The following DIPK2B variants were observed in gnomAD, a reference collection of about 807,000 sequenced individuals.
DIPK2B encodes UPF0672 protein CXorf36.
Under a neutral mutation model 22.2 loss-of-function variants are expected in DIPK2B, and 15 were observed. The observed-to-expected ratio is 0.68, with a 90% CI of 0.45 to 1.04. DIPK2B has a LOEUF of 1.04. DIPK2B is among the 50% of genes least tolerant of loss of function. The pLI, the probability that DIPK2B is intolerant of heterozygous loss-of-function variation, is 0.00. For synonymous variants in DIPK2B, 163 were observed against 153.2 expected, an observed-to-expected ratio of 1.06 and a Z score of -0.47; for missense variants, 345 against 348.3, an observed-to-expected ratio of 0.99 and a Z score of 0.08.
chrX:45,174,625 A>G (rs1237158883), intron 2 of DIPK2B, among the ~76,000 whole-genome samples: 2 of 109,856 alleles, frequency 1.8e-5, no homozygotes, highest in African/African-American at 6.6e-5. Flanking sequence ...TAACTGAAGG[A>G]TCAGAATTGA....
At position 45,182,666 on chromosome X, in the gene DIPK2B, TCACAGAGCGGTGTTGTTTCA is replaced by T. The variant is rs752905963; in HGVS notation, c.498+9065_498+9084del. 4.1e-3 allele frequency among the ~76,000 whole-genome samples: 469 copies of T among 113,294 alleles called. 8 individuals are homozygous for T. The highest frequency in any genetic ancestry group is 0.012 in the African/African-American group (376 of 31,253). Reference sequence around the variant, plus strand: ...GCAGAATGCATACAGTGTGAAACCATCACAGAGCGGTGTTGTTTCACACACTGCAGTGAAAAAGAACACCA... The same window carrying T: ...GCAGAATGCATACAGTGTGAAACCATCACACTGCAGTGAAAAAGAACACCA... On this transcript the variant is annotated intron_variant, in intron 2 of 4. Transcript: ENST00000398000.
chrX:45,158,395 T>A (rs1027860117), intron 2 of DIPK2B, among the ~76,000 whole-genome samples: 3 of 111,141 alleles, frequency 2.7e-5, no homozygotes, highest in African/African-American at 9.8e-5. Context: ...CACCCTGCCC[T>A]TGGAAAGAAG....
chrX:45,194,728 A>C (rs1358825974), intron 1 of DIPK2B, among the ~76,000 whole-genome samples: 1 of 112,129 alleles, frequency 8.9e-6, no homozygotes, highest in Non-Finnish European at 1.9e-5. Flanking sequence ...AAAATTGAAA[A>C]GAGAATTGAA....
rs755519678 is a variant in DIPK2B at position 45,160,168 on chromosome X, A to C, written c.499-2280T>G. 5.5e-5 allele frequency among the ~76,000 whole-genome samples: 6 copies of C among 109,082 alleles called. No individual in the cohort carries two copies. In the South Asian group the frequency reaches 1.2e-3, roughly 22 times the overall value. The allele number at this position is 109,082 out of a possible 115,157, so 94.7% of individuals were successfully genotyped here. A position where few individuals can be genotyped will look rare whatever the true frequency, so the allele number is the denominator to read the frequency against. On this transcript the variant is annotated intron_variant, in intron 2 of 4. Transcript: ENST00000398000. ...CAACCTGAAGAACTGTGAGCCAATT[A>C]AACCTCTTTTCTTCATAAATTACCC...
intron 2 of DIPK2B, among the ~76,000 whole-genome samples, chrX:45,175,301 A>G (rs1032843600): frequency 5.4e-5 from 6 of 111,509 alleles, no homozygotes; most frequent in African/African-American, 2.0e-4. Context: ...AAAAATGTAA[A>G]CAGTCAACAA....
chrX:45,161,839 T>A (rs1850633428), intron 2 of DIPK2B, among the ~76,000 whole-genome samples: 1 of 111,929 alleles, frequency 8.9e-6, no homozygotes, highest in Admixed American at 9.4e-5. Flanking sequence ...TATTGTTTGC[T>A]GAGGTGATTT....
chrX:45,179,283 C>A (rs1172324470), intron 2 of DIPK2B, among the ~76,000 whole-genome samples: 1 of 110,828 alleles, frequency 9.0e-6, no homozygotes, highest in Non-Finnish European at 1.9e-5. Context: ...GCTACTAGAA[C>A]AAAACTCAAC....
At chrX:45,182,957 G>T (rs1285627352) in intron 2 of DIPK2B, among the ~76,000 whole-genome samples, 8 of 111,655 alleles carry the variant, frequency 7.2e-5, no homozygotes, top group Non-Finnish European at 1.3e-4. Context: ...CTAGAATGTG[G>T]TCTTTTTTGG....
chrX:45,185,739 G>A (rs1184804596), intron 2 of DIPK2B, among the ~76,000 whole-genome samples: 4 of 102,163 alleles, frequency 3.9e-5, no homozygotes, highest in Admixed American at 1.1e-4. Flanking sequence ...TGCAACCTCC[G>A]CCTCCTGGGT....
intron 2 of DIPK2B, among the ~76,000 whole-genome samples, chrX:45,175,131 T>TA (rs1227927055): frequency 1.8e-5 from 2 of 111,728 alleles, no homozygotes; most frequent in African/African-American, 6.5e-5. Flanking sequence ...GTTTGAAGAT[T>TA]AACTGTGACA....
In DIPK2B at chrX:45,187,476, A is replaced by G. The variant is rs868305281; in HGVS notation, c.498+4275T>C. 5.4e-3 allele frequency among the ~76,000 whole-genome samples: 549 copies of G among 102,025 alleles called. 8 individuals carry two copies. Among genetic ancestry groups the G allele is most frequent in the South Asian group, 0.029 (70 of 2,430 alleles). 88.6% of individuals were successfully genotyped at this position (102,025 alleles called of 115,157 possible). On this transcript the variant is annotated intron_variant, in intron 2 of 4. Coordinates refer to ENST00000398000, the MANE Select transcript of DIPK2B (RefSeq NM_176819.4). ...CTCGAGGGCGCGCGCGCGCACACAC[A>G]CACACACACACACACACACACACAC...
intron 2 of DIPK2B, chrX:45,162,724 G>T: frequency 2.8e-5 from 21 of 754,349 alleles, no homozygotes; most frequent in Non-Finnish European, 3.3e-5. Flanking sequence ...AAAATAAAAA[G>T]ATAACCAAAC....
At position 45,174,200 on chromosome X, in the gene DIPK2B, C is replaced by T. The variant is rs143459979; in HGVS notation, c.499-16312G>A. Among the ~76,000 whole-genome samples, 29 of 111,692 alleles carry T rather than the reference C, an allele frequency of 2.6e-4. No individual in the cohort carries two copies. The South Asian group carries it at 4.6e-3, about 18-fold the overall frequency. ...CACAAAAAGAATTTGGGGACTCTTC[C>T]GTCAAACCAAATATACTGCTGTAAC... On this transcript the variant is annotated intron_variant, in intron 2 of 4. Coordinates refer to ENST00000398000, the MANE Select transcript of DIPK2B (RefSeq NM_176819.4).
At chrX:45,189,318 A>G (rs1431354626) in intron 2 of DIPK2B, among the ~76,000 whole-genome samples, 1 of 112,497 alleles carries the variant, frequency 8.9e-6, no homozygotes, top group Non-Finnish European at 1.9e-5. Flanking sequence ...TGCTACAAAG[A>G]AAAGAGCAGG....
intron 2 of DIPK2B, chrX:45,164,363 T>C (rs1459249050): frequency 2.5e-6 from 2 of 796,859 alleles, no homozygotes; most frequent in Non-Finnish European, 3.5e-6. Flanking sequence ...CATTATCCAG[T>C]GATCTAGTAA....
intron 2 of DIPK2B, among the ~76,000 whole-genome samples, chrX:45,186,248 T>C (rs907667399): frequency 3.6e-5 from 4 of 111,800 alleles, no homozygotes; most frequent in Admixed American, 9.5e-5. Flanking sequence ...AGGGGACTTA[T>C]CTATTCCATA....
chrX:45,197,447 A>G (rs1166151475), intron 1 of DIPK2B, among the ~76,000 whole-genome samples: 2 of 111,742 alleles, frequency 1.8e-5, no homozygotes, highest in African/African-American at 6.5e-5. Flanking sequence ...ATTGTTGGCC[A>G]GGATGGTCTT....
intron 1 of DIPK2B, among the ~76,000 whole-genome samples, chrX:45,192,589 C>T (rs2047218843): frequency 9.0e-6 from 1 of 110,938 alleles, no homozygotes; most frequent in South Asian, 3.8e-4. Context: ...GGAGACCACT[C>T]TACCTCCATA....
At chrX:45,174,974 G>T (rs926442341) in intron 2 of DIPK2B, among the ~76,000 whole-genome samples, 2 of 111,776 alleles carry the variant, frequency 1.8e-5, no homozygotes, top group Non-Finnish European at 3.8e-5. Context: ...TAGTATTTAA[G>T]GGCGTGACTT....
Sources: allele counts gnomAD v4.1 joint callset (sites outside exome capture counted in the v4.1 genomes callset), GRCh38; gene constraint gnomAD v4.1.1; transcripts MANE v1.5; gene names NCBI Gene and HGNC (gene_info 2026-07-23, HGNC 2026-07-21).